Variants in TTN observed in about 807,000 individuals in gnomAD.
The protein encoded by TTN is titin.
Under a neutral mutation model 3,223.0 loss-of-function variants are expected in TTN, and 1,525 were observed. The observed-to-expected ratio is 0.47, with a 90% CI of 0.45 to 0.49. The LOEUF (loss-of-function observed/expected upper bound fraction) is 0.49, where lower values mean the gene tolerates loss of function less well. Ranked by LOEUF, TTN falls within the 20% of genes least tolerant of loss-of-function variation. The probability of loss-of-function intolerance (pLI) is 0.00; values close to 1 mark genes in which losing one functional copy is unlikely to be tolerated. For synonymous variants in TTN, 14,094 were observed against 15,161.0 expected (o/e 0.93, Z 5.17); for missense variants, 40,786 against 43,424.0 (o/e 0.94, Z 5.40).
At chr2:178,697,036 GAAGCCTAATATTTAAAAT>G (rs771673599) in intron 113 of TTN, 67 bp downstream of exon 113, 1 of 1,219,702 alleles carries the variant, frequency 8.2e-7, no homozygotes, top group Non-Finnish European at 1.2e-6. Context: ...CAATAAGTTG[GAAGCCTAATATTTAAAAT>G]AAGAATAGTT....
In TTN at chr2:178,615,490, A is replaced by G; in HGVS notation, c.48461-6T>C. On this transcript the variant is annotated splice_polypyrimidine_tract_variant and splice_region_variant and intron_variant, in intron 258 of 362. Transcript: ENST00000589042. ...CTCTGGTGGGTCAGGTACCGCTACA[A>G]CATTTGGAAGAGAGAGTCAGTCTTA... The G allele has an allele frequency of 6.2e-7, 1 of 1,610,458 alleles. No homozygotes were observed. The highest frequency in any genetic ancestry group is 1.1e-5 in the South Asian group (1 of 90,772).
In TTN at chr2:178,766,513, G is replaced by C. The variant is rs33997263; in HGVS notation, c.9571C>G (p.Gln3191Glu). 2.7e-5 allele frequency: 44 copies of C among 1,614,066 alleles called. No homozygotes were observed. The East Asian group carries it at 7.8e-4, about 29-fold the overall frequency. ...KDGIEINFQVQERHKYVVERR... is the reference protein window; with the variant it reads ...KDGIEINFQVEERHKYVVERR... The stretch of plus-strand genomic sequence containing the variant: ...TCCACTACATATTTGTGTCGTTCTT[G>C]AACTTGGAAATTGATTTCAATGCCA... Residue 3191 changes from glutamine (Q) to glutamate (E), a missense_variant, in exon 41 of 363, where the codon CAA (glutamine) becomes GAA (glutamate). Coordinates refer to ENST00000589042, the MANE Select transcript of TTN (RefSeq NM_001267550.2).
intron 12 of TTN, 64 bp downstream of exon 12, chr2:178,789,914 G>A: frequency 6.3e-7 from 1 of 1,598,630 alleles, no homozygotes; most frequent in African/African-American, 1.3e-5. Flanking sequence ...CCATATTGTA[G>A]TTAATAGTTT....
Position 178,565,136 on chromosome 2 carries a change from T to C in TTN, c.80996A>G (p.Tyr26999Cys), listed in dbSNP as rs1252117916. 4.3e-6 allele frequency: 7 copies of C among 1,613,366 alleles called. No individual in the cohort carries two copies. The highest frequency in any genetic ancestry group is 5.9e-6 in the Non-Finnish European group (7 of 1,179,614). ...FVVISWEPPA[Y>C]TGGCQISNYI... ...GTTGCTTATTTGGCAGCCACCAGTATAGGCTGGAGGTTCCCAAGATATGAC... is the reference window on the plus strand; with the variant it reads ...GTTGCTTATTTGGCAGCCACCAGTACAGGCTGGAGGTTCCCAAGATATGAC... The change falls in exon 326 of 363, where the codon TAT becomes TGT. Residue 26999 changes from tyrosine (Y) to cysteine (C), a missense_variant. By Grantham distance (194) the Tyr-to-Cys change is radical. Coordinates refer to ENST00000589042, the MANE Select transcript of TTN (RefSeq NM_001267550.2).
At chr2:178,639,591 A>G (rs2060955501) in intron 223 of TTN, 108 bp downstream of exon 223, 2 of 1,132,862 alleles carry the variant, frequency 1.8e-6, no homozygotes, top group Non-Finnish European at 2.6e-6. Flanking sequence ...CGAAGTTGAA[A>G]TGATACCTAT....
At position 178,564,253 on chromosome 2, in the gene TTN, A is replaced by G. The variant is rs1191733286; in HGVS notation, c.81879T>C (p.Phe27293=). The G allele has an allele frequency of 6.2e-7, 1 of 1,613,340 alleles. No individual in the cohort carries two copies. The highest frequency in any genetic ancestry group is 1.1e-5 in the South Asian group (1 of 91,080). ...DVIVVHAGET[F]VLEADIRGKP... Reference sequence around the variant, plus strand: ...TGCCACGGATGTCGGCTTCAAGAACAAAAGTCTCTCCTGCATGAACAACGA... The same window carrying G: ...TGCCACGGATGTCGGCTTCAAGAACGAAAGTCTCTCCTGCATGAACAACGA... Residue 27293 remains phenylalanine, a synonymous_variant, in exon 326 of 363, where the codon TTT becomes TTC. Transcript: ENST00000589042.
At chr2:178,794,882 G>C (rs2093685598) in intron 7 of TTN, 40 bp downstream of exon 7, 1 of 1,594,144 alleles carries the variant, frequency 6.3e-7, no homozygotes, top group Middle Eastern at 1.7e-4. Context: ...GGAGAAACTA[G>C]AATGTGAAAT....
rs2154302853 is a variant in TTN, at chr2:178,723,479, G to A, written c.21621C>T (p.Tyr7207=). 1 of 1,613,326 alleles carries A rather than the reference G, an allele frequency of 6.2e-7. No homozygotes were observed. The highest frequency in any genetic ancestry group is 8.5e-7 in the Non-Finnish European group (1 of 1,179,594). ...FNIDISQSGE[Y]TCVVSNNAGQ... ...CAGCGTTGTTAGAAACCACACAGGT[G>A]TATTCCCCACTCTGAGATATGTCAA... The change falls in exon 74 of 363, where the codon TAC becomes TAT. Residue 7207 remains tyrosine (Y), a synonymous_variant. Transcript: ENST00000589042.
At position 178,547,152 on chromosome 2, in the gene TTN, T is replaced by C. The variant is rs763832963; in HGVS notation, c.94373A>G (p.Glu31458Gly). 1.2e-6 allele frequency: 2 copies of C among 1,613,862 alleles called. No homozygotes were observed. Among genetic ancestry groups the C allele is most frequent in the Non-Finnish European group, 1.7e-6 (2 of 1,179,794 alleles). The change falls in exon 340 of 363, where the codon GAA becomes GGA. Residue 31458 changes from glutamate to glycine, a missense_variant. Transcript: ENST00000589042. ...GCACTCTAAGCATGGCACTTTGTTT[T>C]CTTTCACCCAAAGAATTGTATTACG... Reference protein sequence around the residue: ...KERNTILWVKENKVPCLECNY... With the variant: ...KERNTILWVKGNKVPCLECNY...
chr2:178,526,942 A>C lies in TTN; in HGVS notation c.*70T>G. Reference sequence around the variant, plus strand: ...TTTTCTTTAAATATTTACAGTTCAGAAAGATTAGTCCGTGTGAAACGTTTG... The same window carrying C: ...TTTTCTTTAAATATTTACAGTTCAGCAAGATTAGTCCGTGTGAAACGTTTG... On this transcript the variant is annotated 3_prime_UTR_variant, in exon 363 of 363. Coordinates refer to ENST00000589042, the MANE Select transcript of TTN (RefSeq NM_001267550.2). 7.3e-7 allele frequency: 1 copy of C among 1,375,348 alleles called. No individual in the cohort carries two copies. Among genetic ancestry groups the C allele is most frequent in the Non-Finnish European group, 9.7e-7 (1 of 1,032,392 alleles). 85.2% of individuals were successfully genotyped at this position (1,375,348 alleles called of 1,614,324 possible).
In TTN at chr2:178,565,827, C is replaced by A; in HGVS notation, c.80305G>T (p.Val26769Leu). 6.2e-7 allele frequency: 1 copy of A among 1,613,666 alleles called. No homozygotes were observed. The highest frequency in any genetic ancestry group is 1.1e-5 in the South Asian group (1 of 91,076). ...AENEFGVGVP[V>L]ETVDAVKAAE... ...GCTTTCACGGCATCAACAGTTTCCA[C>A]TGGAACACCAACTCCAAATTCATTT... The change falls in exon 326 of 363, where the codon GTG (valine) becomes TTG (leucine). Residue 26769 changes from valine to leucine, a missense_variant. Physicochemically the swap from Val to Leu is conservative, Grantham distance 32. Coordinates refer to ENST00000589042, the MANE Select transcript of TTN (RefSeq NM_001267550.2).
Position 178,733,866 on chromosome 2 carries a change from C to G in TTN, c.15523G>C (p.Asp5175His), listed in dbSNP as rs2080971523. ...TGTCCTCCTAGTGCAATCAAATCAT[C>G]TACTTTCTTTACAAAGGTTGGAGGT... The part of the protein sequence containing the change: ...KEPPTFVKKV[D>H]DLIALGGQTV... The change falls in exon 53 of 363, where the codon GAT becomes CAT. Residue 5175 changes from aspartate to histidine, a missense_variant. Physicochemically the swap from Asp to His is moderately conservative, Grantham distance 81. Transcript: ENST00000589042. 1.2e-6 allele frequency: 2 copies of G among 1,601,718 alleles called. No homozygotes were observed. Among genetic ancestry groups the G allele is most frequent in the Non-Finnish European group, 1.7e-6 (2 of 1,171,372 alleles).
At position 178,764,634 on chromosome 2, in the gene TTN, T is replaced by C; in HGVS notation, c.9881A>G (p.Tyr3294Cys). 2 of 1,614,116 alleles carry C rather than the reference T, an allele frequency of 1.2e-6. No individual in the cohort carries two copies. Among genetic ancestry groups the C allele is most frequent in the Non-Finnish European group, 1.7e-6 (2 of 1,180,002 alleles). ...KCKFLHDGQE[Y>C]TLLLIEAFPE... ...GAAGGCTTCAATTAGCAAAAGCGTG[T>C]ATTCTTGCCCATCATGAAGAAATTT... The change falls in exon 42 of 363, where the codon TAC (tyrosine) becomes TGC (cysteine). Residue 3294 changes from tyrosine to cysteine, a missense_variant. Transcript: ENST00000589042.
At position 178,590,468 on chromosome 2, in the gene TTN, G is replaced by T; in HGVS notation, c.61257C>A (p.Asn20419Lys). The change falls in exon 304 of 363, where the codon AAC becomes AAA. Residue 20419 changes from asparagine (N) to lysine (K), a missense_variant. Coordinates refer to ENST00000589042, the MANE Select transcript of TTN (RefSeq NM_001267550.2). ...TAATGAGTTCATCTTTATTAATCCTGTTCCATTGTGCTGTGCCAGGTTTCT... is the reference window on the plus strand; with the variant it reads ...TAATGAGTTCATCTTTATTAATCCTTTTCCATTGTGCTGTGCCAGGTTTCT... ...ECQKPGTAQWNRINKDELIRQ... is the reference protein window; with the variant it reads ...ECQKPGTAQWKRINKDELIRQ... 1 of 1,613,058 alleles carries T rather than the reference G, an allele frequency of 6.2e-7. No homozygotes were observed.
chr2:178,553,090 C>T lies in TTN; in HGVS notation c.89810G>A (p.Cys29937Tyr), dbSNP rs577272158. ...AACATGTTTAACCTGTAGTTTCTGG[C>T]AGGCAGCTGGTGTGTCAAGCACTTT... Reference protein sequence around the residue: ...SVKVLDTPAACQKLQVKHVSR... With the variant: ...SVKVLDTPAAYQKLQVKHVSR... The change falls in exon 335 of 363, where the codon TGC becomes TAC. Residue 29937 changes from cysteine (C) to tyrosine (Y), a missense_variant. Physicochemically the swap from Cys to Tyr is radical, Grantham distance 194 (BLOSUM62 -2). Transcript: ENST00000589042. 1 of 1,611,004 alleles carries T rather than the reference C, an allele frequency of 6.2e-7. No homozygotes were observed. The highest frequency in any genetic ancestry group is 8.5e-7 in the Non-Finnish European group (1 of 1,177,824).
intron 43 of TTN, among the ~76,000 whole-genome samples, chr2:178,761,998 T>C (rs2089326359): frequency 6.6e-6 from 1 of 152,160 alleles, no homozygotes; most frequent in South Asian, 2.1e-4. Flanking sequence ...ACTGGAGACC[T>C]TCAATAGGTA....
At position 178,532,871 on chromosome 2, in the gene TTN, C is replaced by T; in HGVS notation, c.103744G>A (p.Gly34582Arg). The change falls in exon 358 of 363, where the codon GGG (glycine) becomes AGG (arginine). Residue 34582 changes from glycine to arginine, a missense_variant. Coordinates refer to ENST00000589042, the MANE Select transcript of TTN (RefSeq NM_001267550.2). Reference sequence around the variant, plus strand: ...TTCTGTACAACTCTGTCAAGTTTCCCAGGCATTTCATACTGATCACGTATC... The same window carrying T: ...TTCTGTACAACTCTGTCAAGTTTCCTAGGCATTTCATACTGATCACGTATC... ...KKIRDQYEMP[G>R]KLDRVVQKRP... 2 of 1,613,940 alleles carry T rather than the reference C, an allele frequency of 1.2e-6. No homozygotes were observed. The highest frequency in any genetic ancestry group is 8.5e-7 in the Non-Finnish European group (1 of 1,179,854).
In TTN at chr2:178,748,498, C is replaced by T. The variant is rs761033304; in HGVS notation, c.11311+4626G>A. On this transcript the variant is annotated intron_variant, in intron 47 of 362. Coordinates refer to ENST00000589042, the MANE Select transcript of TTN (RefSeq NM_001267550.2). ...TTTCCTGCTGTTCCCTAGTTTCTTG[C>T]CCTTGGAACTCCAGAGCTGGATCTC... is the stretch of plus-strand genomic sequence containing the variant. 3 of 1,612,928 alleles carry T rather than the reference C, an allele frequency of 1.9e-6. No homozygotes were observed. In the Admixed American group the frequency reaches 5.0e-5, roughly 27 times the overall value.
chr2:178,720,549 T>TCTTTAACCCATA lies in TTN; in HGVS notation c.23201_23212dup (p.Val7734_Lys7737dup), dbSNP rs1451740768. ...CTTGCTGTTTCTAACCTGCTTTCGA[T>TCTTTAACCCATA]CTTTAACCCATACTACTTCAAATGG... On this transcript the variant is annotated inframe_insertion, in exon 80 of 363. Coordinates refer to ENST00000589042, the MANE Select transcript of TTN (RefSeq NM_001267550.2). The TCTTTAACCCATA allele has an allele frequency of 3.7e-6, 6 of 1,613,466 alleles. No individual in the cohort carries two copies. Among genetic ancestry groups the TCTTTAACCCATA allele is most frequent in the Non-Finnish European group, 4.2e-6 (5 of 1,179,594 alleles).
Sources: gnomAD v4.1 joint callset for allele counts (sites outside exome capture counted in the v4.1 genomes callset) on GRCh38, gnomAD v4.1.1 for gene constraint, MANE v1.5 for transcripts, NCBI Gene and HGNC (gene_info 2026-07-23, HGNC 2026-07-21) for gene names.